Variants in AGPS observed in about 807,000 individuals in gnomAD.
AGPS encodes the protein alkyldihydroxyacetonephosphate synthase, peroxisomal.
In AGPS, 26 loss-of-function variants were observed where a neutral mutation model predicts 90.7. That is an observed-to-expected ratio of 0.29 (90% CI 0.21 to 0.40). The LOEUF (loss-of-function observed/expected upper bound fraction) is 0.40, where lower values mean the gene tolerates loss of function less well. Ranked by LOEUF, AGPS falls within the 10% of genes least tolerant of loss-of-function variation. The pLI, the probability that AGPS is intolerant of heterozygous loss-of-function variation, is 1.00. For missense variants in AGPS, 540 were observed against 816.1 expected, an observed-to-expected ratio of 0.66 and a Z score of 4.12; for synonymous variants, 294 against 285.3, an observed-to-expected ratio of 1.03 and a Z score of -0.31.
intron 1 of AGPS, among the ~76,000 whole-genome samples, chr2:177,416,135 G>A (rs1685778218): frequency 6.6e-6 from 1 of 152,132 alleles, no homozygotes; most frequent in South Asian, 2.1e-4. Context: ...GATGTTTGCA[G>A]TTTATTACTA....
chr2:177,540,937 TTATGA>T lies in AGPS; in HGVS notation c.*2745_*2749del, dbSNP rs2079229293. On this transcript the variant is annotated 3_prime_UTR_variant, in exon 20 of 20. Coordinates refer to ENST00000264167, the MANE Select transcript of AGPS (RefSeq NM_003659.4). Reference sequence around the variant, plus strand: ...TAGTAGTGCATAAGTGAATTTAGTCTTATGATAAGTAACTTTGAGCTGTTTTTAGC... The same window carrying T: ...TAGTAGTGCATAAGTGAATTTAGTCTTAAGTAACTTTGAGCTGTTTTTAGC... The T allele has an allele frequency of 6.6e-6, 1 of 152,118 alleles. No homozygotes were observed. Among genetic ancestry groups the T allele is most frequent in the African/African-American group, 2.4e-5 (1 of 41,438 alleles). 9.4% of individuals were successfully genotyped at this position (152,118 alleles called of 1,614,324 possible).
intron 16 of AGPS, among the ~76,000 whole-genome samples, chr2:177,508,622 C>T (rs1688777953): frequency 6.6e-6 from 1 of 152,020 alleles, no homozygotes; most frequent in African/African-American, 2.4e-5. Flanking sequence ...TACATACATA[C>T]AGTATTGGTT....
intron 8 of AGPS, among the ~76,000 whole-genome samples, chr2:177,461,574 A>G (rs984640579): frequency 2.0e-5 from 3 of 151,570 alleles, no homozygotes; most frequent in Admixed American, 2.0e-4. Context: ...CTCTTTGTAG[A>G]AAAAAAAAGT....
At chr2:177,513,475 C>T (rs1688938926) in intron 16 of AGPS, among the ~76,000 whole-genome samples, 1 of 152,146 alleles carries the variant, frequency 6.6e-6, no homozygotes, top group South Asian at 2.1e-4. Context: ...TTTTCATTAA[C>T]ATCTTTATAG....
intron 13 of AGPS, among the ~76,000 whole-genome samples, chr2:177,498,464 C>G (rs1688472209): frequency 6.6e-6 from 1 of 150,756 alleles, no homozygotes; most frequent in African/African-American, 2.4e-5. Flanking sequence ...CAGGCATCTC[C>G]TTTTTTAATA....
At chr2:177,497,650 T>C in intron 12 of AGPS, 39 bp from the exon 13 acceptor site, 1 of 1,192,080 alleles carries the variant, frequency 8.4e-7, no homozygotes, top group South Asian at 1.6e-5. Context: ...CTGAAAAACA[T>C]AGACTAACCT....
At chr2:177,529,044 A>G (rs1451718644) in intron 19 of AGPS, among the ~76,000 whole-genome samples, 1 of 151,560 alleles carries the variant, frequency 6.6e-6, no homozygotes, top group Non-Finnish European at 1.5e-5. Flanking sequence ...TTTAGTAGAG[A>G]CGGGGTTTCA....
At chr2:177,484,370 A>G (rs1265034552) in intron 11 of AGPS, among the ~76,000 whole-genome samples, 3 of 151,626 alleles carry the variant, frequency 2.0e-5, no homozygotes, top group Non-Finnish European at 4.4e-5. Context: ...TTAAGATGGA[A>G]TCCTACTCTG....
intron 10 of AGPS, among the ~76,000 whole-genome samples, chr2:177,472,149 CAG>C (rs1340931665): frequency 8.6e-5 from 13 of 150,994 alleles, no homozygotes; most frequent in Non-Finnish European, 1.9e-4. Flanking sequence ...TTTTCATCCT[CAG>C]GGACATTGAT....
intron 10 of AGPS, among the ~76,000 whole-genome samples, chr2:177,477,701 T>A (rs1687824114): frequency 6.6e-6 from 1 of 152,206 alleles, no homozygotes; most frequent in Non-Finnish European, 1.5e-5. Context: ...TTTGTTTATC[T>A]TTTCTGCTTC....
At chr2:177,428,767 A>G (rs188576233) in intron 2 of AGPS, among the ~76,000 whole-genome samples, 57 of 151,210 alleles carry the variant, frequency 3.8e-4, no homozygotes, top group African/African-American at 1.2e-3. Flanking sequence ...TCTCTTTTCA[A>G]CCTTTGAGAA....
At chr2:177,476,822 A>C (rs887218084) in intron 10 of AGPS, among the ~76,000 whole-genome samples, 7 of 152,086 alleles carry the variant, frequency 4.6e-5, no homozygotes, top group Non-Finnish European at 7.4e-5. Context: ...TTTTTGCTTC[A>C]TATATTTTTG....
intron 1 of AGPS, among the ~76,000 whole-genome samples, chr2:177,415,616 A>G (rs1685763359): frequency 6.6e-6 from 1 of 152,224 alleles, no homozygotes; most frequent in African/African-American, 2.4e-5. Context: ...AAAGTGTTGC[A>G]TGATAATGTT....
At chr2:177,465,838 C>T (rs1313220959) in intron 9 of AGPS, among the ~76,000 whole-genome samples, 1 of 152,216 alleles carries the variant, frequency 6.6e-6, no homozygotes, top group Non-Finnish European at 1.5e-5. Flanking sequence ...TCTTTCCTCT[C>T]TTTCCCTCTC....
chr2:177,478,351 T>C (rs1413502913), intron 10 of AGPS, among the ~76,000 whole-genome samples: 1 of 152,228 alleles, frequency 6.6e-6, no homozygotes, highest in African/African-American at 2.4e-5. Context: ...TGCTCCTGTT[T>C]GAAATTTGTT....
At chr2:177,423,975 A>G (rs951681406) in intron 2 of AGPS, among the ~76,000 whole-genome samples, 1 of 152,004 alleles carries the variant, frequency 6.6e-6, no homozygotes, top group African/African-American at 2.4e-5. Flanking sequence ...TCTGGGGTAC[A>G]TGTGCAGGAT....
At chr2:177,424,147 G>A (rs1291083396) in intron 2 of AGPS, among the ~76,000 whole-genome samples, 1 of 152,054 alleles carries the variant, frequency 6.6e-6, no homozygotes, top group Non-Finnish European at 1.5e-5. Context: ...AGTGTATGTT[G>A]TTCCCCTCCT....
At chr2:177,435,326 T>G (rs1260398972) in intron 3 of AGPS, among the ~76,000 whole-genome samples, 1 of 152,034 alleles carries the variant, frequency 6.6e-6, no homozygotes, top group African/African-American at 2.4e-5. Context: ...GAACAACTAA[T>G]TCTACCCCTT....
chr2:177,511,382 G>A (rs1688866903), intron 16 of AGPS, among the ~76,000 whole-genome samples: 1 of 152,100 alleles, frequency 6.6e-6, no homozygotes, highest in Non-Finnish European at 1.5e-5. Context: ...ACAGGCATGA[G>A]CCACTGTGCC....
Sources: gnomAD v4.1 joint callset for allele counts (sites outside exome capture counted in the v4.1 genomes callset) on GRCh38, gnomAD v4.1.1 for gene constraint, MANE v1.5 for transcripts, NCBI Gene and HGNC (gene_info 2026-07-23, HGNC 2026-07-21) for gene names.